SLC35A1: variants seen among roughly 807,000 people sequenced by gnomAD.
SLC35A1 encodes the protein CMP-sialic acid transporter.
SLC35A1 carries 21 observed loss-of-function variants against 40.3 expected under a neutral mutation model. The ratio of observed to expected loss-of-function variants is 0.52; its 90% CI spans 0.37 to 0.75. The LOEUF (loss-of-function observed/expected upper bound fraction) is 0.75. Ranked by LOEUF, SLC35A1 falls within the 30% of genes least tolerant of loss-of-function variation. The probability of loss-of-function intolerance (pLI) is 0.00; values close to 1 mark genes in which losing one functional copy is unlikely to be tolerated. For synonymous variants in SLC35A1, 146 were observed against 147.3 expected, an observed-to-expected ratio of 0.99 and a Z score of 0.06; for missense variants, 297 against 382.1, an observed-to-expected ratio of 0.78 and a Z score of 1.86.
intron 1 of SLC35A1, among the ~76,000 whole-genome samples, chr6:87,475,894 C>T (rs1769055688): frequency 6.6e-6 from 1 of 152,162 alleles, no homozygotes; most frequent in Non-Finnish European, 1.5e-5. Flanking sequence ...GTTTCTGGCC[C>T]TTTGCAGAAA....
At chr6:87,485,062 A>G (rs1030285363) in intron 2 of SLC35A1, among the ~76,000 whole-genome samples, 2 of 152,226 alleles carry the variant, frequency 1.3e-5, no homozygotes, top group African/African-American at 4.8e-5. Context: ...GGTAATTCAA[A>G]AAGAGTAAGT....
chr6:87,477,815 T>C (rs1467254241), intron 2 of SLC35A1, among the ~76,000 whole-genome samples: 2 of 152,210 alleles, frequency 1.3e-5, no homozygotes, highest in Admixed American at 6.5e-5. Flanking sequence ...TCAGTACTGC[T>C]GAGGTTGAAG....
intron 2 of SLC35A1, among the ~76,000 whole-genome samples, chr6:87,478,045 G>A (rs1376412801): frequency 6.6e-6 from 1 of 152,194 alleles, no homozygotes; most frequent in Non-Finnish European, 1.5e-5. Flanking sequence ...ACTGTGCTAT[G>A]TGTTTTTTGT....
intron 2 of SLC35A1, chr6:87,499,173 CAATTT>C (rs1769836462): frequency 1.1e-6 from 1 of 935,116 alleles, no homozygotes; most frequent in South Asian, 4.9e-5. Context: ...ACAGGTTAGT[CAATTT>C]AATATAATGG....
intron 2 of SLC35A1, among the ~76,000 whole-genome samples, chr6:87,499,935 A>T (rs1769867346): frequency 6.6e-6 from 1 of 152,130 alleles, no homozygotes; most frequent in Non-Finnish European, 1.5e-5. Context: ...GGCCAACAAT[A>T]CTAAAAATAC....
chr6:87,473,464 G>C (rs1223003421), intron 1 of SLC35A1, among the ~76,000 whole-genome samples: 3 of 152,210 alleles, frequency 2.0e-5, no homozygotes, highest in Non-Finnish European at 4.4e-5. Context: ...GGCAGGCTCC[G>C]GGCGCAGATC....
At chr6:87,481,010 CA>C (rs2127964426) in intron 2 of SLC35A1, among the ~76,000 whole-genome samples, 1 of 152,218 alleles carries the variant, frequency 6.6e-6, no homozygotes, top group South Asian at 2.1e-4. Flanking sequence ...GCCCGTTTAC[CA>C]GAAATTCTAG....
At chr6:87,476,753 C>T (rs146722949) in intron 1 of SLC35A1, among the ~76,000 whole-genome samples, 242 of 148,734 alleles carry the variant, frequency 1.6e-3, no homozygotes, top group African/African-American at 5.7e-3. Flanking sequence ...ATGTCTGGCA[C>T]GGTGGCTCAC....
At chr6:87,480,948 T>C (rs1769226417) in intron 2 of SLC35A1, among the ~76,000 whole-genome samples, 2 of 152,184 alleles carry the variant, frequency 1.3e-5, no homozygotes, top group South Asian at 4.1e-4. Context: ...TCAGGCTGGC[T>C]TGAGTTTTCC....
At chr6:87,480,629 G>T (rs9450710) in intron 2 of SLC35A1, among the ~76,000 whole-genome samples, 1 of 152,120 alleles carries the variant, frequency 6.6e-6, no homozygotes, top group African/African-American at 2.4e-5. Flanking sequence ...AGAACAAAGC[G>T]CATCTTAAAG....
chr6:87,473,788 T>C (rs1166333453), intron 1 of SLC35A1, among the ~76,000 whole-genome samples: 1 of 152,360 alleles, frequency 6.6e-6, no homozygotes, highest in East Asian at 1.9e-4. Flanking sequence ...GTGGATTCTT[T>C]GACTGTGGTG....
intron 1 of SLC35A1, 68 bp from the exon 2 acceptor site, chr6:87,477,294 C>G: frequency 2.3e-6 from 3 of 1,294,128 alleles, no homozygotes; most frequent in South Asian, 2.5e-5. Context: ...TAGGCTATAA[C>G]TAGTTTATTA....
At chr6:87,501,372 T>TGGA (rs1769919431) in intron 4 of SLC35A1, 62 bp downstream of exon 4, 3 of 1,514,100 alleles carry the variant, frequency 2.0e-6, no homozygotes, top group Non-Finnish European at 2.7e-6. Flanking sequence ...AGTCTTATAC[T>TGGA]GTTCAGTTAC....
intron 1 of SLC35A1, among the ~76,000 whole-genome samples, chr6:87,476,031 C>T (rs750882455): frequency 1.3e-5 from 2 of 152,134 alleles, no homozygotes; most frequent in Admixed American, 6.6e-5. Context: ...GATGGCAGTA[C>T]CCGAGCAGGT....
chr6:87,474,704 A>T (rs1341095786), intron 1 of SLC35A1, among the ~76,000 whole-genome samples: 1 of 152,236 alleles, frequency 6.6e-6, no homozygotes, highest in Non-Finnish European at 1.5e-5. Flanking sequence ...TCGTACTTAA[A>T]AACATTTAGT....
In SLC35A1 at chr6:87,493,419, A is replaced by C. The variant is rs958954742; in HGVS notation, c.195-7089A>C. Among the ~76,000 whole-genome samples, 28 of 151,946 alleles carry C rather than the reference A, an allele frequency of 1.8e-4. 1 individual carries two copies. The highest frequency in any genetic ancestry group is 1.6e-3 in the Admixed American group (24 of 15,238). ...TTAGACCCTTTTAGCAGAGCTATGA[A>C]ATATATATGCATGTGTATGCATAGA... On this transcript the variant is annotated intron_variant, in intron 2 of 7. Transcript: ENST00000369552.
At chr6:87,505,526 T>C (rs1453828240) in intron 4 of SLC35A1, among the ~76,000 whole-genome samples, 1 of 152,200 alleles carries the variant, frequency 6.6e-6, no homozygotes, top group Non-Finnish European at 1.5e-5. Flanking sequence ...TCTTAGTCCA[T>C]TTTCTGCTGC....
intron 2 of SLC35A1, among the ~76,000 whole-genome samples, chr6:87,484,367 CT>C (rs969299435): frequency 6.6e-6 from 1 of 152,106 alleles, no homozygotes; most frequent in African/African-American, 2.4e-5. Context: ...ATAAAATTTT[CT>C]TTTTTTCTTC....
chr6:87,489,631 T>A (rs745565435), intron 2 of SLC35A1, among the ~76,000 whole-genome samples: 7 of 136,216 alleles, frequency 5.1e-5, no homozygotes, highest in Admixed American at 8.4e-5. Context: ...AACCTCCGCC[T>A]CCAAGGTTCA....
Sources: gnomAD v4.1 joint callset for allele counts (sites outside exome capture counted in the v4.1 genomes callset) on GRCh38, gnomAD v4.1.1 for gene constraint, MANE v1.5 for transcripts, NCBI Gene and HGNC (gene_info 2026-07-23, HGNC 2026-07-21) for gene names.